Variants in WDFY3 observed in about 807,000 individuals in gnomAD.
WDFY3 encodes the protein WD repeat and FYVE domain-containing protein 3.
Under a neutral mutation model 409.6 loss-of-function variants are expected in WDFY3, and 66 were observed. The observed-to-expected ratio is 0.16, with a 90% CI of 0.13 to 0.20. The LOEUF (loss-of-function observed/expected upper bound fraction) is 0.20, where lower values mean the gene tolerates loss of function less well. WDFY3 is among the 10% of genes least tolerant of loss of function. WDFY3 has a pLI of 1.00. For synonymous variants in WDFY3, 1,521 were observed against 1,537.1 expected (o/e 0.99, Z 0.25); for missense variants, 3,031 against 4,298.1 (o/e 0.71, Z 8.24).
At chr4:84,840,639 G>A (rs777904193) in intron 6 of WDFY3, among the ~76,000 whole-genome samples, 3 of 152,002 alleles carry the variant, frequency 2.0e-5, no homozygotes, top group Non-Finnish European at 4.4e-5. Flanking sequence ...CTGGAGTGGT[G>A]TCATTATGGC....
intron 3 of WDFY3, among the ~76,000 whole-genome samples, chr4:84,891,439 A>G (rs985685104): frequency 1.8e-4 from 28 of 152,172 alleles, no homozygotes; most frequent in Admixed American, 2.0e-4. Flanking sequence ...ATTAATTTTA[A>G]TGCATTAAAA....
intron 64 of WDFY3, among the ~76,000 whole-genome samples, chr4:84,679,906 T>C (rs1362626331): frequency 1.3e-5 from 2 of 151,926 alleles, no homozygotes; most frequent in Non-Finnish European, 2.9e-5. Flanking sequence ...GTATGTATTT[T>C]TTGAGACAGA....
In WDFY3 at chr4:84,694,374, C is replaced by CT. The variant is rs531677417; in HGVS notation, c.8902-1343dup. 3.4e-3 allele frequency among the ~76,000 whole-genome samples: 516 copies of CT among 152,294 alleles called. 4 individuals carry two copies. Among genetic ancestry groups the CT allele is most frequent in the African/African-American group, 0.012 (497 of 41,560 alleles). On this transcript the variant is annotated intron_variant, in intron 58 of 67. Transcript: ENST00000295888. ...GGATGGCTTTACTTGAAAGTACCCTCTATTACTCAATGTGTGTCCCAGAAA... is the reference window on the plus strand; with the variant it reads ...GGATGGCTTTACTTGAAAGTACCCTCTTATTACTCAATGTGTGTCCCAGAAA...
intron 11 of WDFY3, among the ~76,000 whole-genome samples, chr4:84,820,559 C>T (rs966170747): frequency 6.6e-6 from 1 of 152,016 alleles, no homozygotes; most frequent in African/African-American, 2.4e-5. Flanking sequence ...TCTATTCAAC[C>T]TGTATTAATT....
intron 30 of WDFY3, among the ~76,000 whole-genome samples, chr4:84,766,992 T>C (rs1743764678): frequency 6.6e-6 from 1 of 152,144 alleles, no homozygotes; most frequent in African/African-American, 2.4e-5. Context: ...CCAGCAGAGC[T>C]ATGAGTTACT....
intron 50 of WDFY3, among the ~76,000 whole-genome samples, chr4:84,714,040 T>C (rs1196063878): frequency 1.3e-5 from 2 of 151,820 alleles, no homozygotes; most frequent in Non-Finnish European, 2.9e-5. Flanking sequence ...TGCTTGAACC[T>C]GGGAGGTGGA....
chr4:84,721,332 C>T, intron 47 of WDFY3, 77 bp downstream of exon 47: 3 of 1,555,718 alleles, frequency 1.9e-6, no homozygotes, highest in Non-Finnish European at 2.6e-6. Context: ...CTTTCCACAG[C>T]TACCCTATCA....
Position 84,787,746 on chromosome 4 carries a change from G to A in WDFY3, c.3670-33C>T, listed in dbSNP as rs763576985. 3.9e-6 allele frequency: 6 copies of A among 1,546,670 alleles called. No individual in the cohort carries two copies. In the Middle Eastern group the frequency reaches 5.1e-4, roughly 132 times the overall value. On this transcript the variant is annotated intron_variant, in intron 22 of 67. Transcript: ENST00000295888. ...GAAGACAAAAGCAAATGTGTGAGAT[G>A]TGAACACTTTCCCCAGGAAAATAAC...
intron 59 of WDFY3, among the ~76,000 whole-genome samples, chr4:84,692,042 C>A (rs1729353536): frequency 6.6e-6 from 1 of 152,200 alleles, no homozygotes; most frequent in South Asian, 2.1e-4. Context: ...TTGGGTACTA[C>A]CATTCAGGTT....
At chr4:84,900,753 T>G (rs1221801303) in intron 2 of WDFY3, among the ~76,000 whole-genome samples, 1 of 152,196 alleles carries the variant, frequency 6.6e-6, no homozygotes, top group Non-Finnish European at 1.5e-5. Context: ...GTATCCTCAC[T>G]GTGGTAGCAG....
At chr4:84,880,054 G>A (rs546259887) in intron 3 of WDFY3, among the ~76,000 whole-genome samples, 1 of 152,304 alleles carries the variant, frequency 6.6e-6, no homozygotes, top group South Asian at 2.1e-4. Flanking sequence ...AAAGGGCCTT[G>A]CAATGGGGAG....
chr4:84,756,910 G>A lies in WDFY3; in HGVS notation c.5424+16C>T. 6.2e-7 allele frequency: 1 copy of A among 1,610,442 alleles called. No individual in the cohort carries two copies. Among genetic ancestry groups the A allele is most frequent in the Non-Finnish European group, 8.5e-7 (1 of 1,177,180 alleles). ...GAATACGTAATTTCACGCACCCCTT[G>A]CTAGATAATTCCTACCTGGCAACCC... On this transcript the variant is annotated intron_variant, in intron 33 of 67. Coordinates refer to ENST00000295888, the MANE Select transcript of WDFY3 (RefSeq NM_014991.6).
chr4:84,961,159 G>A (rs1774868880), intron 1 of WDFY3, among the ~76,000 whole-genome samples: 1 of 150,132 alleles, frequency 6.7e-6, no homozygotes, highest in African/African-American at 2.5e-5. Context: ...AGGCTGCAGT[G>A]AGCTGAGATC....
chr4:84,800,660 AG>A (rs750936348), intron 17 of WDFY3, among the ~76,000 whole-genome samples: 37 of 152,258 alleles, frequency 2.4e-4, no homozygotes, highest in Non-Finnish European at 4.7e-4. Context: ...TTTTGGCATC[AG>A]GGAGCGGTTT....
At chr4:84,687,206 C>T (rs137886299) in intron 62 of WDFY3, among the ~76,000 whole-genome samples, 1,776 of 151,898 alleles carry the variant, frequency 0.012, 14 homozygotes, top group Non-Finnish European at 0.018. Context: ...TGCAGTGGAG[C>T]GATCTTGGCT....
intron 2 of WDFY3, among the ~76,000 whole-genome samples, chr4:84,915,558 G>T (rs1384386954): frequency 6.6e-6 from 1 of 152,140 alleles, no homozygotes; most frequent in East Asian, 1.9e-4. Flanking sequence ...TTTATAGCAA[G>T]AACTTGGTAT....
intron 1 of WDFY3, among the ~76,000 whole-genome samples, chr4:84,932,642 C>A (rs1162005052): frequency 6.6e-6 from 1 of 152,166 alleles, no homozygotes; most frequent in Non-Finnish European, 1.5e-5. Flanking sequence ...GAATCAATGA[C>A]AACACAGCTA....
At chr4:84,837,910 A>G (rs1756816700) in intron 6 of WDFY3, among the ~76,000 whole-genome samples, 1 of 152,208 alleles carries the variant, frequency 6.6e-6, no homozygotes, top group Admixed American at 6.5e-5. Flanking sequence ...TCTGTCCTTC[A>G]AAAGACCACA....
intron 2 of WDFY3, among the ~76,000 whole-genome samples, chr4:84,910,743 T>C (rs1157404457): frequency 3.9e-5 from 6 of 152,178 alleles, no homozygotes; most frequent in African/African-American, 1.4e-4. Context: ...TCTCACTCTG[T>C]CGCCCAGGCT....
Sources: allele counts gnomAD v4.1 joint callset (sites outside exome capture counted in the v4.1 genomes callset), GRCh38; gene constraint gnomAD v4.1.1; transcripts MANE v1.5; gene names NCBI Gene and HGNC (gene_info 2026-07-23, HGNC 2026-07-21).